Variants in ACVR2A observed in about 807,000 individuals in gnomAD.
The protein encoded by ACVR2A is activin A receptor type 2A.
ACVR2A carries 7 observed loss-of-function variants against 61.4 expected under a neutral mutation model. The observed-to-expected ratio is 0.11, with a 90% confidence interval of 0.06 to 0.21. The LOEUF (loss-of-function observed/expected upper bound fraction) is 0.21, where lower values mean the gene tolerates loss of function less well. Ranked by LOEUF, ACVR2A falls within the 10% of genes least tolerant of loss-of-function variation. ACVR2A has a pLI of 1.00. For missense variants in ACVR2A, 322 were observed against 621.7 expected, an observed-to-expected ratio of 0.52 and a Z score of 5.13; for synonymous variants, 193 against 208.3, an observed-to-expected ratio of 0.93 and a Z score of 0.63.
chr2:147,862,333 A>T (rs1685745757), intron 1 of ACVR2A, among the ~76,000 whole-genome samples: 1 of 151,964 alleles, frequency 6.6e-6, no homozygotes, highest in African/African-American at 2.4e-5. Context: ...TGATGTTGTA[A>T]CTATAAATCC....
At chr2:147,924,625 C>T (rs1359448730) in intron 9 of ACVR2A, among the ~76,000 whole-genome samples, 2 of 151,806 alleles carry the variant, frequency 1.3e-5, no homozygotes, top group Admixed American at 6.6e-5. Context: ...AGTCAGAACC[C>T]AATTGTTAAG....
intron 9 of ACVR2A, among the ~76,000 whole-genome samples, chr2:147,924,772 T>C (rs1687463931): frequency 6.6e-6 from 1 of 151,936 alleles, no homozygotes; most frequent in African/African-American, 2.4e-5. Flanking sequence ...TTAGGAATCT[T>C]GTTAAAATTT....
chr2:147,896,859 T>A (rs1686748634), intron 2 of ACVR2A: 1 of 175,370 alleles, frequency 5.7e-6, no homozygotes, highest in Non-Finnish European at 1.2e-5. Flanking sequence ...GTTGAAAATC[T>A]GTCCTCAAGA....
chr2:147,908,046 AAAAAAAAAG>A (rs1281068511), intron 4 of ACVR2A, among the ~76,000 whole-genome samples: 24 of 143,648 alleles, frequency 1.7e-4, no homozygotes, highest in Non-Finnish European at 2.3e-4. Flanking sequence ...TTCAAAAAAA[AAAAAAAAAG>A]AAAAAAAAGA....
intron 1 of ACVR2A, among the ~76,000 whole-genome samples, chr2:147,869,677 T>C (rs1292888505): frequency 6.6e-6 from 1 of 152,180 alleles, no homozygotes; most frequent in Admixed American, 6.5e-5. Flanking sequence ...TATATTTAAA[T>C]GCAAAATTGC....
chr2:147,877,940 T>A (rs1686201243), intron 1 of ACVR2A, among the ~76,000 whole-genome samples: 1 of 152,190 alleles, frequency 6.6e-6, no homozygotes, highest in Non-Finnish European at 1.5e-5. Context: ...ATGCTGCTTT[T>A]TTTACTCTTC....
chr2:147,847,423 A>G (rs1424269872), intron 1 of ACVR2A, among the ~76,000 whole-genome samples: 2 of 152,214 alleles, frequency 1.3e-5, no homozygotes, highest in Non-Finnish European at 2.9e-5. Context: ...GTGATCTGAC[A>G]TGTTGGAAGC....
intron 1 of ACVR2A, among the ~76,000 whole-genome samples, chr2:147,883,177 T>A (rs1686350641): frequency 6.6e-6 from 1 of 151,950 alleles, no homozygotes; most frequent in Non-Finnish European, 1.5e-5. Flanking sequence ...TAAAATGAGT[T>A]TTTTTGTTTT....
intron 1 of ACVR2A, among the ~76,000 whole-genome samples, chr2:147,854,997 C>T (rs1330022384): frequency 6.6e-6 from 1 of 152,124 alleles, no homozygotes; most frequent in African/African-American, 2.4e-5. Context: ...TCTCCTGCCT[C>T]AGCCTCCTGA....
At chr2:147,864,109 C>T (rs550003546) in intron 1 of ACVR2A, among the ~76,000 whole-genome samples, 41 of 152,190 alleles carry the variant, frequency 2.7e-4, no homozygotes, top group African/African-American at 6.5e-4. Context: ...TAGATAAGTA[C>T]GAATAGTTCT....
At chr2:147,879,180 C>T (rs1312527838) in intron 1 of ACVR2A, among the ~76,000 whole-genome samples, 1 of 152,000 alleles carries the variant, frequency 6.6e-6, no homozygotes, top group Non-Finnish European at 1.5e-5. Context: ...CTTTGTTTTA[C>T]TCTGTTTTGT....
intron 4 of ACVR2A, among the ~76,000 whole-genome samples, chr2:147,908,171 A>C (rs374431632): frequency 6.6e-6 from 1 of 152,084 alleles, no homozygotes; most frequent in Non-Finnish European, 1.5e-5. Flanking sequence ...TTACCATCTC[A>C]CAATTTATTC....
intron 8 of ACVR2A, among the ~76,000 whole-genome samples, chr2:147,921,342 C>A (rs958769635): frequency 6.6e-6 from 1 of 152,124 alleles, no homozygotes; most frequent in East Asian, 1.9e-4. Context: ...GCCAAGATCA[C>A]CTTTTAATCA....
At chr2:147,911,678 T>C (rs768282157) in intron 4 of ACVR2A, among the ~76,000 whole-genome samples, 2 of 152,066 alleles carry the variant, frequency 1.3e-5, no homozygotes, top group Non-Finnish European at 2.9e-5. Context: ...CTATAATTTA[T>C]ATATTTATGT....
chr2:147,869,594 GT>G (rs1685960056), intron 1 of ACVR2A, among the ~76,000 whole-genome samples: 1 of 152,164 alleles, frequency 6.6e-6, no homozygotes, highest in Admixed American at 6.5e-5. Flanking sequence ...ACAGAAAGCT[GT>G]GGCCTATGCT....
intron 2 of ACVR2A, among the ~76,000 whole-genome samples, chr2:147,898,741 T>C (rs1051508741): frequency 2.6e-5 from 4 of 152,142 alleles, no homozygotes; most frequent in African/African-American, 9.6e-5. Context: ...TGACTTAAGG[T>C]CCTATATAAA....
At chr2:147,865,786 A>G (rs539993439) in intron 1 of ACVR2A, among the ~76,000 whole-genome samples, 1 of 152,334 alleles carries the variant, frequency 6.6e-6, no homozygotes, top group South Asian at 2.1e-4. Context: ...TAGGGGATTC[A>G]TAGCCTAGTG....
intron 4 of ACVR2A, among the ~76,000 whole-genome samples, chr2:147,902,187 A>G (rs1446304223): frequency 6.6e-6 from 1 of 151,998 alleles, no homozygotes; most frequent in Non-Finnish European, 1.5e-5. Flanking sequence ...GGAATGGGGC[A>G]TGGGATGTTA....
chr2:147,907,429 A>T (rs1310532347), intron 4 of ACVR2A, among the ~76,000 whole-genome samples: 1 of 152,188 alleles, frequency 6.6e-6, no homozygotes. Flanking sequence ...GTCTTCTACT[A>T]TGGTTGAACT....
Sources: allele counts gnomAD v4.1 joint callset (sites outside exome capture counted in the v4.1 genomes callset), GRCh38; gene constraint gnomAD v4.1.1; transcripts MANE v1.5; gene names NCBI Gene and HGNC (gene_info 2026-07-23, HGNC 2026-07-21).